The following DCC variants were observed in gnomAD, a reference collection of about 807,000 sequenced individuals.
DCC encodes DCC netrin 1 receptor.
In DCC, 58 loss-of-function variants were observed where a neutral mutation model predicts 172.5. The ratio of observed to expected loss-of-function variants is 0.34; its 90% CI spans 0.27 to 0.42. The LOEUF is 0.42. Ranked by LOEUF, DCC falls within the 10% of genes least tolerant of loss-of-function variation. DCC has a pLI of 1.00. For synonymous variants in DCC, 709 were observed against 644.5 expected, an observed-to-expected ratio of 1.10 and a Z score of -1.52; for missense variants, 1,740 against 1,791.0, an observed-to-expected ratio of 0.97 and a Z score of 0.51.
chr18:53,358,775 C>T (rs1156948623), intron 15 of DCC, among the ~76,000 whole-genome samples: 2 of 152,020 alleles, frequency 1.3e-5, no homozygotes, highest in African/African-American at 2.4e-5. Context: ...CCACCTCAGC[C>T]TCTCAAAGTC....
chr18:52,375,504 T>C (rs776732360), intron 1 of DCC, among the ~76,000 whole-genome samples: 1 of 152,204 alleles, frequency 6.6e-6, no homozygotes, highest in Admixed American at 6.5e-5. Flanking sequence ...AAATAACTCT[T>C]AGAAACAAGA....
At chr18:53,019,636 A>T (rs2041852635) in intron 5 of DCC, among the ~76,000 whole-genome samples, 1 of 152,136 alleles carries the variant, frequency 6.6e-6, no homozygotes, top group African/African-American at 2.4e-5. Context: ...ATATCACATT[A>T]TCTTTTGCTG....
intron 2 of DCC, among the ~76,000 whole-genome samples, chr18:52,816,068 T>C (rs972631718): frequency 6.6e-6 from 1 of 152,220 alleles, no homozygotes; most frequent in African/African-American, 2.4e-5. Flanking sequence ...GCACCTCACA[T>C]GTATCTGTTT....
At chr18:53,026,136 A>G (rs1599041123) in intron 5 of DCC, among the ~76,000 whole-genome samples, 1 of 152,156 alleles carries the variant, frequency 6.6e-6, no homozygotes, top group East Asian at 1.9e-4. Flanking sequence ...CCATAAGTCT[A>G]TGGAGAATTT....
At chr18:52,750,442 C>CCATCTAT (rs2036977460) in intron 1 of DCC, among the ~76,000 whole-genome samples, 1 of 152,142 alleles carries the variant, frequency 6.6e-6, no homozygotes, top group African/African-American at 2.4e-5. Context: ...GGATCTTTAT[C>CCATCTAT]AATATCCATC....
intron 2 of DCC, among the ~76,000 whole-genome samples, chr18:52,856,618 T>C (rs1296179430): frequency 4.2e-5 from 2 of 47,966 alleles, no homozygotes; most frequent in Admixed American, 3.2e-4. Flanking sequence ...AGAGCAAGAC[T>C]CCATCTCAAA....
intron 7 of DCC, among the ~76,000 whole-genome samples, chr18:53,102,925 T>C (rs540921930): frequency 6.6e-6 from 1 of 152,240 alleles, no homozygotes; most frequent in South Asian, 2.1e-4. Context: ...ATTGCCTGGA[T>C]TATTTCATTT....
chr18:53,237,194 C>T (rs2056217914), intron 12 of DCC: 1 of 153,848 alleles, frequency 6.5e-6, no homozygotes, highest in African/African-American at 2.4e-5. Context: ...TAGAATCTAG[C>T]TCATTAGATT....
intron 1 of DCC, among the ~76,000 whole-genome samples, chr18:52,408,275 C>T (rs1328221285): frequency 1.3e-5 from 2 of 151,554 alleles, no homozygotes; most frequent in Non-Finnish European, 2.9e-5. Flanking sequence ...AGATTCAACA[C>T]CAGTTTTTTA....
intron 21 of DCC, among the ~76,000 whole-genome samples, chr18:53,424,028 C>T (rs1433522444): frequency 1.3e-5 from 2 of 152,046 alleles, no homozygotes; most frequent in Non-Finnish European, 2.9e-5. Context: ...ATATTTCCAA[C>T]AGGAAAAAGT....
At chr18:53,326,669 A>G (rs1272208550) in intron 14 of DCC, among the ~76,000 whole-genome samples, 1 of 152,210 alleles carries the variant, frequency 6.6e-6, no homozygotes, top group Non-Finnish European at 1.5e-5. Context: ...GTAAATGTTT[A>G]AATCATAAAA....
intron 1 of DCC, among the ~76,000 whole-genome samples, chr18:52,534,826 G>T (rs1483544804): frequency 6.6e-6 from 1 of 152,136 alleles, no homozygotes; most frequent in East Asian, 1.9e-4. Flanking sequence ...TACTTAGCTT[G>T]TCAAATGCAT....
intron 9 of DCC, among the ~76,000 whole-genome samples, chr18:53,189,047 C>G (rs17487130): frequency 6.6e-6 from 1 of 151,876 alleles, no homozygotes; most frequent in Non-Finnish European, 1.5e-5. Context: ...CTATTCAACC[C>G]GATATACTGC....
At chr18:52,856,893 A>G (rs562950159) in intron 2 of DCC, among the ~76,000 whole-genome samples, 1 of 152,288 alleles carries the variant, frequency 6.6e-6, no homozygotes, top group South Asian at 2.1e-4. Context: ...TAACTGTTAT[A>G]CAACAAATTA....
At position 53,534,770 on chromosome 18, in the gene DCC, A is replaced by G. The variant is rs2046556455; in HGVS notation, c.*4117A>G. The stretch of plus-strand genomic sequence containing the variant: ...GAAAAAAAATGCCAATTTCCTGGTC[A>G]GTGAGGTTATGTAAAAGACAAAATA... On this transcript the variant is annotated 3_prime_UTR_variant, in exon 29 of 29. Coordinates refer to ENST00000442544, the MANE Select transcript of DCC (RefSeq NM_005215.4). The G allele has an allele frequency of 6.6e-6, 1 of 152,236 alleles. No individual in the cohort carries two copies. The highest frequency in any genetic ancestry group is 1.5e-5 in the Non-Finnish European group (1 of 68,040). The allele number at this position is 152,236 out of a possible 1,614,324, so 9.4% of individuals were successfully genotyped here.
chr18:53,121,611 A>C (rs2043484966), intron 7 of DCC, among the ~76,000 whole-genome samples: 1 of 152,080 alleles, frequency 6.6e-6, no homozygotes, highest in East Asian at 1.9e-4. Flanking sequence ...ATCTATTTTT[A>C]ATATTTGTGA....
chr18:53,335,442 A>G (rs2057581008), intron 14 of DCC, among the ~76,000 whole-genome samples: 1 of 152,222 alleles, frequency 6.6e-6, no homozygotes, highest in Non-Finnish European at 1.5e-5. Flanking sequence ...CACAGGGATT[A>G]ATATAATACA....
intron 2 of DCC, among the ~76,000 whole-genome samples, chr18:52,813,970 C>T (rs1366876762): frequency 1.3e-5 from 2 of 152,222 alleles, no homozygotes; most frequent in African/African-American, 4.8e-5. Context: ...TACACATAGG[C>T]TCTCCTGGGT....
rs1283757165 is a variant in DCC, at chr18:53,066,102, A to G, written c.1197A>G (p.Gln399=). The G allele has an allele frequency of 1.2e-6, 2 of 1,613,474 alleles. No homozygotes were observed. Among genetic ancestry groups the G allele is most frequent in the Non-Finnish European group, 1.7e-6 (2 of 1,179,614 alleles). The change falls in exon 7 of 29, where the codon CAA becomes CAG. Residue 399 remains glutamine (Q), a synonymous_variant. Transcript: ENST00000442544. Reference sequence around the variant, plus strand: ...TGAAGTCAGATGAAGGCTTTTATCAATGTGTGGCTGAAAATGAGGCTGGAA... The same window carrying G: ...TGAAGTCAGATGAAGGCTTTTATCAGTGTGTGGCTGAAAATGAGGCTGGAA... The part of the protein sequence containing the change: ...GVVKSDEGFY[Q]CVAENEAGNA...
Sources: gnomAD v4.1 joint callset for allele counts (sites outside exome capture counted in the v4.1 genomes callset) on GRCh38, gnomAD v4.1.1 for gene constraint, MANE v1.5 for transcripts, NCBI Gene and HGNC (gene_info 2026-07-23, HGNC 2026-07-21) for gene names.